The following PARD3 variants were observed in gnomAD, a reference collection of about 807,000 sequenced individuals.
The protein encoded by PARD3 is par-3 family cell polarity regulator.
In PARD3, 75 loss-of-function variants were observed where a neutral mutation model predicts 155.4. That is an observed-to-expected ratio of 0.48 (90% CI 0.40 to 0.58). The LOEUF (loss-of-function observed/expected upper bound fraction) is 0.58. Ranked by LOEUF, PARD3 falls within the 20% of genes least tolerant of loss-of-function variation. The pLI, the probability that PARD3 is intolerant of heterozygous loss-of-function variation, is 0.00. For synonymous variants in PARD3, 576 were observed against 610.5 expected (o/e 0.94, Z 0.83); for missense variants, 1,642 against 1,721.7 (o/e 0.95, Z 0.82).
intron 1 of PARD3, among the ~76,000 whole-genome samples, chr10:34,734,953 T>C (rs2094886007): frequency 6.7e-6 from 1 of 149,202 alleles, no homozygotes. Context: ...CAATGTGTAC[T>C]GCATTTAAAG....
intron 18 of PARD3, among the ~76,000 whole-genome samples, chr10:34,334,736 C>CAAAAA (rs5784410): frequency 1.6e-5 from 2 of 128,280 alleles, no homozygotes; most frequent in Non-Finnish European, 3.4e-5. Context: ...GCACAAAGTG[C>CAAAAA]AAAAAAAAAA....
chr10:34,238,982 T>A (rs1415317895), intron 22 of PARD3, among the ~76,000 whole-genome samples: 3 of 152,120 alleles, frequency 2.0e-5, no homozygotes, highest in Non-Finnish European at 1.5e-5. Flanking sequence ...ATGCCACCAG[T>A]TTAAGAGCAC....
rs761557808 is a variant in PARD3, at chr10:34,111,326, T to A, written c.3905A>T (p.Glu1302Val). ...ATACGAGTCATAGTTGCTGGGCCCC[T>A]CGGAAGGAGGCTGCTTCTTCATCTG... is the stretch of plus-strand genomic sequence containing the variant. Reference protein sequence around the residue: ...EQQMKKQPPSEGPSNYDSYKK... With the variant: ...EQQMKKQPPSVGPSNYDSYKK... Residue 1302 changes from glutamate (E) to valine (V), a missense_variant, in exon 25 of 25, where the codon GAG becomes GTG. Physicochemically the swap from Glu to Val is moderately radical, Grantham distance 121. Transcript: ENST00000374788. 1 of 1,613,952 alleles carries A rather than the reference T, an allele frequency of 6.2e-7. No homozygotes were observed. The highest frequency in any genetic ancestry group is 1.3e-5 in the African/African-American group (1 of 75,052).
chr10:34,450,062 A>C (rs1290981553), intron 5 of PARD3, among the ~76,000 whole-genome samples: 1 of 151,968 alleles, frequency 6.6e-6, no homozygotes, highest in Non-Finnish European at 1.5e-5. Flanking sequence ...AGCATTACAA[A>C]CTCTAAAGCC....
chr10:34,666,814 TATACACACACAC>T (rs1697185060), intron 2 of PARD3, among the ~76,000 whole-genome samples: 2 of 92,110 alleles, frequency 2.2e-5, no homozygotes, highest in African/African-American at 9.7e-5. Flanking sequence ...TATATATATA[TATACACACACAC>T]ACACACACAC....
intron 4 of PARD3, among the ~76,000 whole-genome samples, chr10:34,452,646 G>T (rs564879733): frequency 6.6e-6 from 1 of 152,052 alleles, no homozygotes; most frequent in Non-Finnish European, 1.5e-5. Context: ...TCTTGTTGGC[G>T]CTATGGACTG....
At chr10:34,445,651 G>C (rs887284278) in intron 5 of PARD3, among the ~76,000 whole-genome samples, 2 of 151,976 alleles carry the variant, frequency 1.3e-5, no homozygotes, top group African/African-American at 4.8e-5. Context: ...AAATTACAAA[G>C]AATATACTAC....
chr10:34,337,058 CAT>C (rs2134274598), intron 17 of PARD3, among the ~76,000 whole-genome samples: 2 of 152,154 alleles, frequency 1.3e-5, no homozygotes, highest in East Asian at 3.9e-4. Flanking sequence ...CTTAAGAAAA[CAT>C]ATATATTAAC....
chr10:34,665,355 A>AC (rs1166615524), intron 2 of PARD3, among the ~76,000 whole-genome samples: 1 of 116,894 alleles, frequency 8.6e-6, no homozygotes, highest in African/African-American at 4.4e-5. Flanking sequence ...CTGCTGAAAA[A>AC]AACAAACAAA....
At chr10:34,203,231 C>T (rs1181647513) in intron 22 of PARD3, among the ~76,000 whole-genome samples, 18 of 152,160 alleles carry the variant, frequency 1.2e-4, no homozygotes, top group Admixed American at 1.2e-3. Context: ...AAAAGCAAAA[C>T]ACTTCAATCT....
chr10:34,762,524 G>A lies in PARD3; in HGVS notation c.120+52352C>T, dbSNP rs538992798. On this transcript the variant is annotated intron_variant, in intron 1 of 24. Coordinates refer to ENST00000374788, the MANE Select transcript of PARD3 (RefSeq NM_001184785.2). ...GGGTCCCACTAGGTTGCCCAGGCTG[G>A]TCTTGAACTCCCGGACTCAAGCAAT... 2.0e-5 allele frequency among the ~76,000 whole-genome samples: 3 copies of A among 146,746 alleles called. No homozygotes were observed. In the South Asian group the frequency reaches 6.7e-4, roughly 33 times the overall value.
At chr10:34,742,290 G>C (rs74395492) in intron 1 of PARD3, among the ~76,000 whole-genome samples, 5,336 of 152,242 alleles carry the variant, frequency 0.035, 312 homozygotes, top group African/African-American at 0.12. Context: ...CAATGTAAGG[G>C]GGGGACCAAA....
In PARD3 at chr10:34,770,559, T is replaced by C. The variant is rs113705653; in HGVS notation, c.120+44317A>G. ...ATGGGCATTTCTGAGCAGGAAACTC[T>C]TGCGCTGGACCTGCATTCTGAGAAA... On this transcript the variant is annotated intron_variant, in intron 1 of 24. Coordinates refer to ENST00000374788, the MANE Select transcript of PARD3 (RefSeq NM_001184785.2). Among the ~76,000 whole-genome samples, 516 of 152,272 alleles carry C rather than the reference T, an allele frequency of 3.4e-3. 1 individual carries two copies. The highest frequency in any genetic ancestry group is 0.012 in the African/African-American group (492 of 41,544).
intron 2 of PARD3, among the ~76,000 whole-genome samples, chr10:34,535,438 A>T (rs2083155848): frequency 6.6e-6 from 1 of 152,202 alleles, no homozygotes; most frequent in African/African-American, 2.4e-5. Context: ...CATGACGAAG[A>T]ACAGTAACAC....
chr10:34,377,482 A>AG (rs1361203438), intron 10 of PARD3, among the ~76,000 whole-genome samples: 24 of 152,046 alleles, frequency 1.6e-4, no homozygotes, highest in Non-Finnish European at 3.1e-4. Flanking sequence ...CCCAGCTACC[A>AG]GGGGGGCTGA....
chr10:34,368,077 C>T lies in PARD3; in HGVS notation c.1707+4421G>A, dbSNP rs189444929. On this transcript the variant is annotated intron_variant, in intron 12 of 24. Transcript: ENST00000374788. ...CCAGCCTGGCCAACATGGCGAAACCCCGTTCTACTAAAAATACAAACAATT... is the reference window on the plus strand; with the variant it reads ...CCAGCCTGGCCAACATGGCGAAACCTCGTTCTACTAAAAATACAAACAATT... 1.9e-3 allele frequency among the ~76,000 whole-genome samples: 283 copies of T among 152,242 alleles called. 3 individuals are homozygous for T. The highest frequency in any genetic ancestry group is 9.7e-3 in the Admixed American group (148 of 15,298).
chr10:34,741,679 G>A (rs901807622), intron 1 of PARD3, among the ~76,000 whole-genome samples: 2 of 152,104 alleles, frequency 1.3e-5, no homozygotes, highest in African/African-American at 2.4e-5. Flanking sequence ...CATGCTGGTC[G>A]GTGCCACTGT....
At chr10:34,526,052 A>T (rs1272313247) in intron 2 of PARD3, among the ~76,000 whole-genome samples, 1 of 137,816 alleles carries the variant, frequency 7.3e-6, no homozygotes, top group Non-Finnish European at 1.5e-5. Flanking sequence ...ACTGCACTTC[A>T]GCCTGGTGGC....
chr10:34,257,181 C>A (rs1954696154), intron 22 of PARD3, among the ~76,000 whole-genome samples: 1 of 152,194 alleles, frequency 6.6e-6, no homozygotes, highest in Non-Finnish European at 1.5e-5. Context: ...TAATTTAAAA[C>A]TGGATTGCGG....
Sources: allele counts gnomAD v4.1 joint callset (sites outside exome capture counted in the v4.1 genomes callset), GRCh38; gene constraint gnomAD v4.1.1; transcripts MANE v1.5; gene names NCBI Gene and HGNC (gene_info 2026-07-23, HGNC 2026-07-21).